MTA3: variants seen among roughly 807,000 people sequenced by gnomAD.
MTA3 encodes metastasis-associated protein MTA3.
In MTA3, 34 loss-of-function variants were observed where a neutral mutation model predicts 83.5. The ratio of observed to expected loss-of-function variants is 0.41; its 90% confidence interval spans 0.31 to 0.54. The LOEUF (loss-of-function observed/expected upper bound fraction) is 0.54, where lower values mean the gene tolerates loss of function less well. Ranked by LOEUF, MTA3 falls within the 20% of genes least tolerant of loss-of-function variation. The pLI is 0.33. For missense variants in MTA3, 761 were observed against 726.4 expected, an observed-to-expected ratio of 1.05 and a Z score of -0.55; for synonymous variants, 303 against 252.7, an observed-to-expected ratio of 1.20 and a Z score of -1.89.
Position 42,729,086 on chromosome 2 carries a change from G to GTTTTT in MTA3, c.1759+6074_1759+6078dup, listed in dbSNP as rs1216600680. 5.5e-4 allele frequency among the ~76,000 whole-genome samples: 33 copies of GTTTTT among 60,124 alleles called. 7 individuals are homozygous for GTTTTT. The highest frequency in any genetic ancestry group is 1.5e-3 in the East Asian group (2 of 1,330). 39.4% of individuals were successfully genotyped at this position (60,124 alleles called of 152,430 possible). On this transcript the variant is annotated intron_variant, in intron 16 of 16. Transcript: ENST00000405094. ...TTCTTTTATTAGTTTCACAGTTTGA[G>GTTTTT]TTTTTTTTTTTTTTTTTTTTTTTTT...
At chr2:42,627,560 T>C (rs535859206) in intron 4 of MTA3, among the ~76,000 whole-genome samples, 1 of 151,904 alleles carries the variant, frequency 6.6e-6, no homozygotes, top group South Asian at 2.1e-4. Flanking sequence ...GTTTAGATTC[T>C]TTTTTTCTTT....
intron 2 of MTA3, among the ~76,000 whole-genome samples, chr2:42,502,648 A>G (rs1258477073): frequency 6.6e-6 from 1 of 151,956 alleles, no homozygotes; most frequent in Non-Finnish European, 1.5e-5. Context: ...AAAATACAAA[A>G]TTAGCCGGTG....
chr2:42,608,825 A>T (rs1683823022), intron 3 of MTA3, among the ~76,000 whole-genome samples: 2 of 152,252 alleles, frequency 1.3e-5, no homozygotes, highest in Non-Finnish European at 2.9e-5. Context: ...TGGTGTTTGC[A>T]GTGAGCTGAG....
upstream of MTA3, chr2:42,568,462 C>G (rs1180987758): frequency 2.1e-5 from 4 of 187,460 alleles, no homozygotes; most frequent in South Asian, 2.0e-4. Context: ...CCCCTCCCCC[C>G]CAATTCCCGC....
chr2:42,724,120 T>C (rs1414720545), intron 16 of MTA3, among the ~76,000 whole-genome samples: 1 of 152,114 alleles, frequency 6.6e-6, no homozygotes, highest in Non-Finnish European at 1.5e-5. Flanking sequence ...TGTATCAAAG[T>C]GTGAAGATTG....
chr2:42,745,299 G>A (rs1042953882), intron 16 of MTA3, among the ~76,000 whole-genome samples: 1 of 152,198 alleles, frequency 6.6e-6, no homozygotes. Flanking sequence ...TCTGATTCCA[G>A]CTTAACTGAT....
chr2:42,751,588 T>G (rs1669873538), intron 16 of MTA3, among the ~76,000 whole-genome samples: 1 of 152,162 alleles, frequency 6.6e-6, no homozygotes, highest in Non-Finnish European at 1.5e-5. Context: ...AGGTGGCCTG[T>G]CTCAATTGAA....
At chr2:42,503,921 CT>C (rs34028665) in intron 2 of MTA3, among the ~76,000 whole-genome samples, 45 of 111,246 alleles carry the variant, frequency 4.0e-4, no homozygotes, top group South Asian at 1.5e-3. Flanking sequence ...GAACCACATT[CT>C]TTTTTTTTTT....
chr2:42,552,138 G>A (rs1177239596), intron 2 of MTA3, among the ~76,000 whole-genome samples: 2 of 152,146 alleles, frequency 1.3e-5, no homozygotes, highest in African/African-American at 2.4e-5. Context: ...ATGTATTTGA[G>A]CTGTCAAGCC....
intron 8 of MTA3, among the ~76,000 whole-genome samples, chr2:42,662,122 AT>A (rs1187469381): frequency 6.6e-6 from 1 of 152,130 alleles, no homozygotes; most frequent in Non-Finnish European, 1.5e-5. Context: ...CAGTTCATTC[AT>A]TTTAACTGCT....
chr2:42,596,805 C>T (rs1168132229), intron 3 of MTA3, among the ~76,000 whole-genome samples: 1 of 151,970 alleles, frequency 6.6e-6, no homozygotes, highest in African/African-American at 2.4e-5. Context: ...TTTCATGTGA[C>T]TAGTTGATTG....
chr2:42,530,194 A>C (rs1288560464), intron 2 of MTA3, among the ~76,000 whole-genome samples: 1 of 147,510 alleles, frequency 6.8e-6, no homozygotes, highest in East Asian at 2.0e-4. Flanking sequence ...CAAAAAAAAA[A>C]AAGATTACAA....
Position 42,580,504 on chromosome 2 carries a change from T to G in MTA3, c.190+1304T>G, listed in dbSNP as rs190276779. Among the ~76,000 whole-genome samples, 588 of 152,172 alleles carry G rather than the reference T, an allele frequency of 3.9e-3. 6 individuals carry two copies. The highest frequency in any genetic ancestry group is 0.013 in the African/African-American group (541 of 41,526). ...CTCCTGCCTCAGCCTCCTGGGTAGCTGGGATTACAGGTGGGTGCCACCACA... is the reference window on the plus strand; with the variant it reads ...CTCCTGCCTCAGCCTCCTGGGTAGCGGGGATTACAGGTGGGTGCCACCACA... On this transcript the variant is annotated intron_variant, in intron 3 of 16. Coordinates refer to ENST00000405094, the MANE Select transcript of MTA3 (RefSeq NM_001330442.2).
chr2:42,600,103 C>A (rs1015606281), intron 3 of MTA3, among the ~76,000 whole-genome samples: 1 of 152,142 alleles, frequency 6.6e-6, no homozygotes, highest in South Asian at 2.1e-4. Flanking sequence ...GAGGCTGAGG[C>A]AGGAGAATCG....
intron 6 of MTA3, among the ~76,000 whole-genome samples, chr2:42,654,758 G>A (rs1027882341): frequency 6.6e-6 from 1 of 152,126 alleles, no homozygotes; most frequent in East Asian, 1.9e-4. Flanking sequence ...ATAACTACAG[G>A]CATATGCCAC....
At chr2:42,604,349 G>A (rs1233914142) in intron 3 of MTA3, among the ~76,000 whole-genome samples, 2 of 152,170 alleles carry the variant, frequency 1.3e-5, no homozygotes, top group Admixed American at 6.5e-5. Context: ...GGCGTCCAGT[G>A]TAACTCTTAA....
At chr2:42,746,328 G>T (rs1180285887) in intron 16 of MTA3, among the ~76,000 whole-genome samples, 2 of 151,938 alleles carry the variant, frequency 1.3e-5, no homozygotes, top group Non-Finnish European at 2.9e-5. Flanking sequence ...CCTATTAAGG[G>T]GAAAAAACAC....
In MTA3 at chr2:42,756,848, G is replaced by T; in HGVS notation, c.*3449G>T. 2 of 985,430 alleles carry T rather than the reference G, an allele frequency of 2.0e-6. No homozygotes were observed. The highest frequency in any genetic ancestry group is 2.4e-6 in the Non-Finnish European group (2 of 829,944). 61.0% of individuals were successfully genotyped at this position (985,430 alleles called of 1,614,324 possible). A position where few individuals can be genotyped will look rare whatever the true frequency, so the allele number is the denominator to read the frequency against. On this transcript the variant is annotated 3_prime_UTR_variant, in exon 17 of 17. Transcript: ENST00000405094. ...CATGAGTGTTTCCGCAGGATAATTC[G>T]TTCTGAGCATGATACCACAGTGTGG...
chr2:42,544,172 G>T (rs1391226580), intron 2 of MTA3, among the ~76,000 whole-genome samples: 1 of 152,100 alleles, frequency 6.6e-6, no homozygotes, highest in Non-Finnish European at 1.5e-5. Context: ...GTCTGGCCTG[G>T]CACGGTGGCT....
Sources: gnomAD v4.1 joint callset for allele counts (sites outside exome capture counted in the v4.1 genomes callset) on GRCh38, gnomAD v4.1.1 for gene constraint, MANE v1.5 for transcripts, NCBI Gene and HGNC (gene_info 2026-07-23, HGNC 2026-07-21) for gene names.